The following CHCHD6 variants were observed in gnomAD, a reference collection of about 807,000 sequenced individuals.
The protein encoded by CHCHD6 is coiled-coil-helix-coiled-coil-helix domain containing 6.
In CHCHD6, 28 loss-of-function variants were observed where a neutral mutation model predicts 32.3. That is an observed-to-expected ratio of 0.87 (90% CI 0.64 to 1.19). The LOEUF (loss-of-function observed/expected upper bound fraction) is 1.19, where lower values mean the gene tolerates loss of function less well. Among genes scored for constraint, CHCHD6 ranks in the 50% most tolerant of loss-of-function variants. The pLI is 0.00. For missense variants in CHCHD6, 333 were observed against 307.0 expected, an observed-to-expected ratio of 1.08 and a Z score of -0.63; for synonymous variants, 122 against 117.5, an observed-to-expected ratio of 1.04 and a Z score of -0.25.
chr3:126,759,171 C>T (rs1298944078), intron 4 of CHCHD6, among the ~76,000 whole-genome samples: 2 of 152,230 alleles, frequency 1.3e-5, no homozygotes, highest in Non-Finnish European at 2.9e-5. Flanking sequence ...CCCTACTACT[C>T]TTCTGAAATG....
intron 6 of CHCHD6, among the ~76,000 whole-genome samples, chr3:126,953,509 C>A (rs1165791740): frequency 1.3e-5 from 2 of 152,210 alleles, no homozygotes; most frequent in Non-Finnish European, 2.9e-5. Flanking sequence ...AAGCTCACCC[C>A]ACTCCAGACC....
intron 4 of CHCHD6, among the ~76,000 whole-genome samples, chr3:126,771,371 A>G (rs1559834100): frequency 6.6e-6 from 1 of 151,376 alleles, no homozygotes; most frequent in Non-Finnish European, 1.5e-5. Flanking sequence ...CGCCCGGCTA[A>G]TTTTTTGTAT....
chr3:126,845,512 A>G (rs1368114213), intron 4 of CHCHD6, among the ~76,000 whole-genome samples: 2 of 152,186 alleles, frequency 1.3e-5, no homozygotes, highest in Non-Finnish European at 2.9e-5. Flanking sequence ...AATCAACTCC[A>G]GAGAATTCTT....
intron 4 of CHCHD6, among the ~76,000 whole-genome samples, chr3:126,838,034 G>A (rs1367832719): frequency 6.6e-6 from 1 of 152,166 alleles, no homozygotes; most frequent in Non-Finnish European, 1.5e-5. Context: ...GATGGGGCGG[G>A]GGAGCAGTGT....
intron 4 of CHCHD6, among the ~76,000 whole-genome samples, chr3:126,842,018 G>A (rs1941106125): frequency 1.3e-5 from 2 of 152,346 alleles, no homozygotes; most frequent in East Asian, 3.9e-4. Flanking sequence ...GGAGGCCTAG[G>A]TGGGAGGATG....
At chr3:126,823,932 G>T (rs2107537879) in intron 4 of CHCHD6, among the ~76,000 whole-genome samples, 1 of 151,608 alleles carries the variant, frequency 6.6e-6, no homozygotes, top group Admixed American at 6.6e-5. Context: ...CACATTATCT[G>T]GGTGTGGTGG....
chr3:126,722,957 A>G (rs190827332), intron 1 of CHCHD6, among the ~76,000 whole-genome samples: 92 of 151,774 alleles, frequency 6.1e-4, no homozygotes, highest in Non-Finnish European at 7.4e-5. Flanking sequence ...TAGGTCTCGG[A>G]TCTGTTTTGT....
intron 1 of CHCHD6, among the ~76,000 whole-genome samples, chr3:126,712,210 C>T (rs890181516): frequency 2.0e-5 from 3 of 152,226 alleles, no homozygotes; most frequent in Admixed American, 1.3e-4. Context: ...GGACTGTCTA[C>T]ACAACCACAC....
intron 4 of CHCHD6, chr3:126,766,573 TG>T: frequency 1.7e-6 from 2 of 1,163,758 alleles, no homozygotes; most frequent in Non-Finnish European, 2.6e-6. Flanking sequence ...CTTCACCTCC[TG>T]GGCTGCAGTG....
chr3:126,863,313 C>T (rs1340031905), intron 5 of CHCHD6, among the ~76,000 whole-genome samples: 13 of 126,846 alleles, frequency 1.0e-4, no homozygotes, highest in African/African-American at 4.5e-4. Flanking sequence ...CCTCCTCCTC[C>T]ATCACCACCT....
At chr3:126,883,299 A>G (rs755396975) in intron 5 of CHCHD6, among the ~76,000 whole-genome samples, 1 of 152,110 alleles carries the variant, frequency 6.6e-6, no homozygotes, top group Non-Finnish European at 1.5e-5. Context: ...CTCGAAGCCG[A>G]TTGGTCAGAA....
chr3:126,935,115 A>G (rs2078460368), intron 6 of CHCHD6: 1 of 987,450 alleles, frequency 1.0e-6, no homozygotes, highest in Non-Finnish European at 1.2e-6. Flanking sequence ...GTGAGCACGA[A>G]TCACCTGCTG....
At chr3:126,704,597 C>T (rs1934383391) in intron 1 of CHCHD6, among the ~76,000 whole-genome samples, 198 bp downstream of exon 1, 1 of 152,164 alleles carries the variant, frequency 6.6e-6, no homozygotes, top group Non-Finnish European at 1.5e-5. Flanking sequence ...GCGACATGGG[C>T]TTCAGGGAAG....
intron 6 of CHCHD6, among the ~76,000 whole-genome samples, chr3:126,925,881 A>G (rs2078317022): frequency 1.3e-5 from 2 of 152,248 alleles, no homozygotes; most frequent in African/African-American, 2.4e-5. Flanking sequence ...ACAGGATTAA[A>G]TGATGGTGAT....
At chr3:126,829,104 A>G (rs1940527522) in intron 4 of CHCHD6, among the ~76,000 whole-genome samples, 1 of 152,156 alleles carries the variant, frequency 6.6e-6, no homozygotes, top group Non-Finnish European at 1.5e-5. Context: ...TCTAATATAG[A>G]GGTTTAAAGC....
intron 1 of CHCHD6, among the ~76,000 whole-genome samples, chr3:126,710,510 A>G (rs77085685): frequency 0.014 from 2,083 of 152,332 alleles, 45 homozygotes; most frequent in African/African-American, 0.045. Context: ...TGTTGACTCT[A>G]TAGATTACTT....
intron 5 of CHCHD6, among the ~76,000 whole-genome samples, chr3:126,865,040 C>G (rs578210016): frequency 1.3e-5 from 2 of 150,774 alleles, no homozygotes; most frequent in East Asian, 4.0e-4. Flanking sequence ...ACTACCTCTA[C>G]TTCATCACTA....
chr3:126,799,574 C>T (rs1288141380), intron 4 of CHCHD6, among the ~76,000 whole-genome samples: 1 of 152,172 alleles, frequency 6.6e-6, no homozygotes, highest in African/African-American at 2.4e-5. Context: ...GATGAGCCAG[C>T]TTGTCCTGAC....
intron 4 of CHCHD6, among the ~76,000 whole-genome samples, chr3:126,836,675 T>C (rs1370729474): frequency 6.6e-6 from 1 of 152,200 alleles, no homozygotes; most frequent in Non-Finnish European, 1.5e-5. Context: ...GGCAAAGCGC[T>C]GTAGCAGAGA....
Sources: gnomAD v4.1 joint callset for allele counts (sites outside exome capture counted in the v4.1 genomes callset) on GRCh38, gnomAD v4.1.1 for gene constraint, MANE v1.5 for transcripts, NCBI Gene and HGNC (gene_info 2026-07-23, HGNC 2026-07-21) for gene names.